PLXDC2: variants seen among roughly 807,000 people sequenced by gnomAD.
PLXDC2 encodes the protein plexin domain-containing protein 2.
A neutral mutation model predicts 68.9 loss-of-function variants in PLXDC2; 40 were observed. That is an observed-to-expected ratio of 0.58 (90% CI 0.45 to 0.76). PLXDC2 has a LOEUF of 0.76. Ranked by LOEUF, PLXDC2 falls within the 30% of genes least tolerant of loss-of-function variation. The probability of loss-of-function intolerance (pLI) is 0.00; values close to 1 mark genes in which losing one functional copy is unlikely to be tolerated. For missense variants in PLXDC2, 644 were observed against 661.9 expected (o/e 0.97, Z 0.30); for synonymous variants, 243 against 234.2 (o/e 1.04, Z -0.34).
At chr10:19,873,484 C>T (rs1837580675) in intron 1 of PLXDC2, among the ~76,000 whole-genome samples, 1 of 145,036 alleles carries the variant, frequency 6.9e-6, no homozygotes, top group Non-Finnish European at 1.5e-5. Flanking sequence ...AATCATGGCT[C>T]AATGCAGCCT....
chr10:19,944,952 CAAACA>C (rs1394612971), intron 1 of PLXDC2, among the ~76,000 whole-genome samples: 1 of 150,706 alleles, frequency 6.6e-6, no homozygotes, highest in Non-Finnish European at 1.5e-5. Context: ...AACTCCATCT[CAAACA>C]AAACAAAACA....
chr10:20,270,313 C>A (rs1036592277), intron 13 of PLXDC2, among the ~76,000 whole-genome samples: 1 of 152,116 alleles, frequency 6.6e-6, no homozygotes, highest in Non-Finnish European at 1.5e-5. Flanking sequence ...CAGTTATATT[C>A]GATTCCCAGT....
In PLXDC2 at chr10:20,014,039, A is replaced by G. The variant is rs12258681; in HGVS notation, c.324+12053A>G. On this transcript the variant is annotated intron_variant, in intron 2 of 13. Coordinates refer to ENST00000377252, the MANE Select transcript of PLXDC2 (RefSeq NM_032812.9). ...ACCAATTGTACCAGATGATAGTAAA[A>G]TTATCTCCTAAAGGCAAACACACTT... 4.8e-3 allele frequency among the ~76,000 whole-genome samples: 726 copies of G among 152,346 alleles called. 4 individuals are homozygous for G. The highest frequency in any genetic ancestry group is 0.016 in the African/African-American group (683 of 41,572).
chr10:19,958,158 G>A (rs1000757272), intron 1 of PLXDC2, among the ~76,000 whole-genome samples: 16 of 152,030 alleles, frequency 1.1e-4, no homozygotes, highest in Non-Finnish European at 2.1e-4. Flanking sequence ...GGTGTTTCAC[G>A]TAGAGAAGAG....
chr10:19,893,227 T>G (rs1018845506), intron 1 of PLXDC2, among the ~76,000 whole-genome samples: 1 of 152,150 alleles, frequency 6.6e-6, no homozygotes, highest in Non-Finnish European at 1.5e-5. Context: ...AAAAACATAA[T>G]GCTGAATTGT....
intron 12 of PLXDC2, among the ~76,000 whole-genome samples, chr10:20,225,928 G>C (rs1373742171): frequency 6.6e-6 from 1 of 152,108 alleles, no homozygotes; most frequent in African/African-American, 2.4e-5. Context: ...TTGTTAAAAT[G>C]CATATGCTGA....
chr10:20,150,197 G>A (rs1834134679), intron 6 of PLXDC2, among the ~76,000 whole-genome samples: 1 of 152,064 alleles, frequency 6.6e-6, no homozygotes, highest in African/African-American at 2.4e-5. Context: ...CCATCATTAT[G>A]GTGTCCTACA....
chr10:19,865,243 A>G (rs1416818935), intron 1 of PLXDC2, among the ~76,000 whole-genome samples: 1 of 152,172 alleles, frequency 6.6e-6, no homozygotes, highest in African/African-American at 2.4e-5. Flanking sequence ...GCCAAAGTTA[A>G]ACCTGCACAA....
intron 1 of PLXDC2, among the ~76,000 whole-genome samples, chr10:19,999,161 C>T (rs1374837956): frequency 6.6e-6 from 1 of 152,158 alleles, no homozygotes; most frequent in Non-Finnish European, 1.5e-5. Context: ...ATTCCGTTTA[C>T]TTTCTGTTCT....
chr10:19,987,235 C>G (rs571835808), intron 1 of PLXDC2, among the ~76,000 whole-genome samples: 9 of 152,268 alleles, frequency 5.9e-5, no homozygotes, highest in East Asian at 1.9e-4. Context: ...TTCGATCAGC[C>G]TTTTCCAGAG....
chr10:19,928,777 C>T (rs1260663757), intron 1 of PLXDC2, among the ~76,000 whole-genome samples: 1 of 99,158 alleles, frequency 1.0e-5, no homozygotes, highest in Non-Finnish European at 1.9e-5. Context: ...TTTTTTGAAA[C>T]AGAGACTTGC....
intron 4 of PLXDC2, among the ~76,000 whole-genome samples, chr10:20,109,843 A>G (rs887441401): frequency 6.6e-6 from 1 of 152,286 alleles, no homozygotes; most frequent in East Asian, 1.9e-4. Flanking sequence ...CCTGAATCCA[A>G]TTCCCAAAAC....
chr10:20,150,781 T>C (rs1834142542), intron 6 of PLXDC2, among the ~76,000 whole-genome samples: 1 of 152,222 alleles, frequency 6.6e-6, no homozygotes, highest in South Asian at 2.1e-4. Flanking sequence ...TCATCTTTCT[T>C]TACGCTGTTC....
In PLXDC2 at chr10:19,939,274, T is replaced by C. The variant is rs903852045; in HGVS notation, c.113-62501T>C. On this transcript the variant is annotated intron_variant, in intron 1 of 13. Transcript: ENST00000377252. ...TCTAGGCTAAGATGCAATAGGACTT[T>C]AACAATGTAAAGCAACATTAGCAGT... Among the ~76,000 whole-genome samples, 3 of 152,214 alleles carry C rather than the reference T, an allele frequency of 2.0e-5. No homozygotes were observed. In the East Asian group the frequency reaches 5.8e-4, roughly 29 times the overall value.
intron 4 of PLXDC2, among the ~76,000 whole-genome samples, chr10:20,119,686 T>G (rs1833670324): frequency 6.6e-6 from 1 of 151,920 alleles, no homozygotes; most frequent in Admixed American, 6.6e-5. Context: ...GGAGATGGTA[T>G]GGAGAGATAA....
chr10:20,200,525 A>G (rs1834903013), intron 9 of PLXDC2, among the ~76,000 whole-genome samples: 1 of 152,058 alleles, frequency 6.6e-6, no homozygotes, highest in Admixed American at 6.6e-5. Context: ...ACAAAAACAA[A>G]CATAAACAAT....
intron 7 of PLXDC2, among the ~76,000 whole-genome samples, chr10:20,164,944 T>C (rs1834354137): frequency 1.3e-5 from 2 of 152,036 alleles, no homozygotes; most frequent in South Asian, 4.1e-4. Flanking sequence ...GTATCCTGAG[T>C]AGCTGGGACC....
At chr10:20,090,807 A>G (rs1467260365) in intron 4 of PLXDC2, among the ~76,000 whole-genome samples, 1 of 152,222 alleles carries the variant, frequency 6.6e-6, no homozygotes, top group Non-Finnish European at 1.5e-5. Flanking sequence ...ATATATCTTA[A>G]AAGGTAAAGA....
chr10:20,015,275 G>T (rs1192505542), intron 2 of PLXDC2, among the ~76,000 whole-genome samples: 1 of 152,056 alleles, frequency 6.6e-6, no homozygotes, highest in African/African-American at 2.4e-5. Flanking sequence ...CTTATGTCTT[G>T]GCAAGGTTGG....
Sources: gnomAD v4.1 joint callset for allele counts (sites outside exome capture counted in the v4.1 genomes callset) on GRCh38, gnomAD v4.1.1 for gene constraint, MANE v1.5 for transcripts, NCBI Gene and HGNC (gene_info 2026-07-23, HGNC 2026-07-21) for gene names.